The following DNAAF4 variants were observed in gnomAD, a reference collection of about 807,000 sequenced individuals.
The protein encoded by DNAAF4 is dynein assembly factor 4, axonemal.
DNAAF4 carries 43 observed loss-of-function variants against 51.8 expected under a neutral mutation model. The ratio of observed to expected loss-of-function variants is 0.83; its 90% confidence interval spans 0.65 to 1.07. The LOEUF (loss-of-function observed/expected upper bound fraction) is 1.07, where lower values mean the gene tolerates loss of function less well. DNAAF4 is among the 50% of genes least tolerant of loss of function. The pLI is 0.00. For missense variants in DNAAF4, 581 were observed against 493.0 expected (o/e 1.18, Z -1.69); for synonymous variants, 194 against 165.6 (o/e 1.17, Z -1.32).
Position 55,430,665 on chromosome 15 carries a change from A to G in DNAAF4, c.*5T>C. The G allele has an allele frequency of 1.2e-6, 2 of 1,610,928 alleles. No homozygotes were observed. The highest frequency in any genetic ancestry group is 8.5e-7 in the Non-Finnish European group (1 of 1,178,602). On this transcript the variant is annotated 3_prime_UTR_variant, in exon 10 of 10. Coordinates refer to ENST00000321149, the MANE Select transcript of DNAAF4 (RefSeq NM_130810.4). ...ATAACAATACTTAGTTACTTCTAATAGTCATTAAGATTTTAGTTCTGTTCC... is the reference window on the plus strand; with the variant it reads ...ATAACAATACTTAGTTACTTCTAATGGTCATTAAGATTTTAGTTCTGTTCC...
At chr15:55,443,693 T>A (rs1267833625) in intron 6 of DNAAF4, among the ~76,000 whole-genome samples, 1 of 152,192 alleles carries the variant, frequency 6.6e-6, no homozygotes, top group South Asian at 2.1e-4. Flanking sequence ...TTTCTCCACA[T>A]CCTCTCCAGC....
rs1486525128 is a variant in DNAAF4 at position 55,434,974 on chromosome 15, C to T, written c.978G>A (p.Leu326=). 1.2e-6 allele frequency: 2 copies of T among 1,613,060 alleles called. No homozygotes were observed. The highest frequency in any genetic ancestry group is 1.7e-6 in the Non-Finnish European group (2 of 1,179,790). ...AIRLNNKMPL[L]YLNRAACHLK... ...GGTGGCAAGCAGCCCGGTTCAAATA[C>T]AATAGTGGCATCTTATTATTTAGTC... Residue 326 remains leucine (L), a synonymous_variant, in exon 8 of 10, where the codon TTG becomes TTA. Transcript: ENST00000321149.
chr15:55,506,582 C>A (rs1015636428), intron 1 of DNAAF4, among the ~76,000 whole-genome samples: 1 of 152,114 alleles, frequency 6.6e-6, no homozygotes, highest in African/African-American at 2.4e-5. Context: ...GTGGGAATAG[C>A]AAAATTTCCC....
At chr15:55,497,234 T>C (rs1371836841) in intron 3 of DNAAF4, among the ~76,000 whole-genome samples, 1 of 152,170 alleles carries the variant, frequency 6.6e-6, no homozygotes, top group Non-Finnish European at 1.5e-5. Flanking sequence ...CTATACATTT[T>C]CTTCTGTCAA....
At chr15:55,437,313 T>G (rs1352356914) in intron 7 of DNAAF4, among the ~76,000 whole-genome samples, 1 of 152,136 alleles carries the variant, frequency 6.6e-6, no homozygotes, top group Non-Finnish European at 1.5e-5. Flanking sequence ...GAGGAAAGAT[T>G]ATATATGGTT....
chr15:55,443,666 G>C (rs1287615021), intron 6 of DNAAF4, among the ~76,000 whole-genome samples: 2 of 152,228 alleles, frequency 1.3e-5, no homozygotes, highest in Non-Finnish European at 2.9e-5. Flanking sequence ...CCCACCAACA[G>C]TGTAAAAGTA....
chr15:55,470,630 C>T (rs1356181916), intron 4 of DNAAF4, among the ~76,000 whole-genome samples: 1 of 151,702 alleles, frequency 6.6e-6, no homozygotes, highest in Non-Finnish European at 1.5e-5. Flanking sequence ...CAGCCTCAAC[C>T]TCCTGGGCTC....
chr15:55,497,673 AG>A (rs1189447858), intron 3 of DNAAF4, 38 bp downstream of exon 3: 2 of 1,562,704 alleles, frequency 1.3e-6, no homozygotes, highest in Non-Finnish European at 1.7e-6. Context: ...GAAACCGAAA[AG>A]GTACAACCAG....
chr15:55,469,562 A>C (rs1018548103), intron 4 of DNAAF4, among the ~76,000 whole-genome samples: 2 of 127,810 alleles, frequency 1.6e-5, no homozygotes, highest in Admixed American at 2.1e-4. Context: ...GGCTCACTGC[A>C]AGCTCCGCCT....
At chr15:55,468,671 G>C (rs2058204701) in intron 4 of DNAAF4, among the ~76,000 whole-genome samples, 1 of 152,138 alleles carries the variant, frequency 6.6e-6, no homozygotes, top group Admixed American at 6.5e-5. Flanking sequence ...TGGAGAGTCA[G>C]ACACCCTCAC....
At chr15:55,487,131 G>A (rs1206775218) in intron 4 of DNAAF4, among the ~76,000 whole-genome samples, 2 of 152,194 alleles carry the variant, frequency 1.3e-5, no homozygotes, top group Non-Finnish European at 2.9e-5. Context: ...GTCAAGTGGG[G>A]ACTTGGAGAA....
In DNAAF4 at chr15:55,494,647, G is replaced by C. The variant is rs539087389; in HGVS notation, c.271+3065C>G. Among the ~76,000 whole-genome samples, 14 of 152,052 alleles carry C rather than the reference G, an allele frequency of 9.2e-5. No individual in the cohort carries two copies. In the East Asian group the frequency reaches 2.5e-3, roughly 28 times the overall value. On this transcript the variant is annotated intron_variant, in intron 3 of 9. Transcript: ENST00000321149. ...GGCTGGTCTCAAACTCCTGACCTCA[G>C]GTGATTCACCTGCCTCGGCCTCCCA...
chr15:55,442,499 A>C (rs2057730143), intron 6 of DNAAF4: 3 of 725,470 alleles, frequency 4.1e-6, no homozygotes, highest in Non-Finnish European at 7.5e-6. Context: ...CCTTGTATTC[A>C]GAAGGCTGTT....
chr15:55,490,404 TA>T (rs1311041097), intron 4 of DNAAF4, among the ~76,000 whole-genome samples: 1 of 152,108 alleles, frequency 6.6e-6, no homozygotes, highest in African/African-American at 2.4e-5. Context: ...ATGGGTAAAT[TA>T]TATGGAATGT....
At position 55,489,373 on chromosome 15, in the gene DNAAF4, A is replaced by G. The variant is rs1482885513; in HGVS notation, c.405+1750T>C. On this transcript the variant is annotated intron_variant, in intron 4 of 9. Transcript: ENST00000321149. ...GACCAGCTGACCAGTTCAATTATTAAGTAAAAGACAAAGTATATGGCTCAG... is the reference window on the plus strand; with the variant it reads ...GACCAGCTGACCAGTTCAATTATTAGGTAAAAGACAAAGTATATGGCTCAG... Among the ~76,000 whole-genome samples, 4 of 152,172 alleles carry G rather than the reference A, an allele frequency of 2.6e-5. No individual in the cohort carries two copies. The East Asian group carries it at 7.7e-4, about 29-fold the overall frequency.
intron 7 of DNAAF4, chr15:55,418,895 AG>A (rs1172248643): frequency 1.1e-5 from 2 of 174,222 alleles, no homozygotes; most frequent in African/African-American, 4.8e-5. Context: ...AATTGATTTA[AG>A]GAAGCTTCTG....
rs992229556 is a variant in DNAAF4 at position 55,434,299 on chromosome 15, A to T, written c.1047+606T>A. On this transcript the variant is annotated intron_variant, in intron 8 of 9. Transcript: ENST00000321149. ...TTTGTTTGCATTGTGAGAGTCAAAG[A>T]AAAACTGGATCATAAAAGTAGTATG... Among the ~76,000 whole-genome samples, 8 of 151,450 alleles carry T rather than the reference A, an allele frequency of 5.3e-5. 1 individual carries two copies. Among genetic ancestry groups the T allele is most frequent in the African/African-American group, 1.9e-4 (8 of 41,354 alleles).
At position 55,446,296 on chromosome 15, in the gene DNAAF4, C is replaced by CCGGGGG. The variant is rs1555415276; in HGVS notation, c.783+3925_783+3926insCCCCCG. Among the ~76,000 whole-genome samples the CCGGGGG allele has an allele frequency of 3.1e-4, 6 of 19,258 alleles. 1 individual carries two copies. Among genetic ancestry groups the CCGGGGG allele is most frequent in the Admixed American group, 7.8e-4 (1 of 1,286 alleles). The allele number at this position is 19,258 out of a possible 152,430, so 12.6% of individuals were successfully genotyped here. On this transcript the variant is annotated intron_variant, in intron 6 of 9. Coordinates refer to ENST00000321149, the MANE Select transcript of DNAAF4 (RefSeq NM_130810.4). ...GCAGAGGCGCTCCTCACATCCCAGA[C>CCGGGGG]GGGGGGGGGGGGCAGCTGGGCAGAG...
chr15:55,443,266 T>C (rs2141433709), intron 6 of DNAAF4: 1 of 1,572,870 alleles, frequency 6.4e-7, no homozygotes, highest in Non-Finnish European at 8.7e-7. Flanking sequence ...CAGCGCGGGT[T>C]GCGGCTCACT....
Sources: allele counts gnomAD v4.1 joint callset (sites outside exome capture counted in the v4.1 genomes callset), GRCh38; gene constraint gnomAD v4.1.1; transcripts MANE v1.5; gene names NCBI Gene and HGNC (gene_info 2026-07-23, HGNC 2026-07-21).